Variants in GRK3 observed in about 807,000 individuals in gnomAD.
GRK3 encodes G protein-coupled receptor kinase 3.
A neutral mutation model predicts 95.7 loss-of-function variants in GRK3; 54 were observed. That is an observed-to-expected ratio of 0.56 (90% confidence interval 0.45 to 0.71). The LOEUF (loss-of-function observed/expected upper bound fraction) is 0.71. Ranked by LOEUF, GRK3 falls within the 30% of genes least tolerant of loss-of-function variation. GRK3 has a pLI of 0.00. For missense variants in GRK3, 649 were observed against 851.2 expected (o/e 0.76, Z 2.96); for synonymous variants, 281 against 290.8 (o/e 0.97, Z 0.34).
At chr22:25,658,584 TC>T (rs2084888996) in intron 3 of GRK3, among the ~76,000 whole-genome samples, 1 of 152,212 alleles carries the variant, frequency 6.6e-6, no homozygotes, top group Admixed American at 6.5e-5. Context: ...TTCTCTGTGT[TC>T]CTTTGGTCAC....
intron 10 of GRK3, 81 bp from the exon 11 acceptor site, chr22:25,687,456 G>T: frequency 6.7e-7 from 1 of 1,493,862 alleles, no homozygotes; most frequent in Admixed American, 1.8e-5. Context: ...TTTCTGCTGA[G>T]TCCTGACTAT....
At chr22:25,610,045 G>A (rs960351368) in intron 2 of GRK3, among the ~76,000 whole-genome samples, 1 of 151,448 alleles carries the variant, frequency 6.6e-6, no homozygotes, top group Non-Finnish European at 1.5e-5. Flanking sequence ...GAGACACAGG[G>A]TTTCACCATG....
chr22:25,702,723 G>A lies in GRK3; in HGVS notation c.1161-787G>A, dbSNP rs1052446263. ...AGTTATCTTTATTAATTTCACCAGT[G>A]GTTACTGTATTAGGTACCTACCGTG... is the stretch of plus-strand genomic sequence containing the variant. On this transcript the variant is annotated intron_variant, in intron 13 of 20. Coordinates refer to ENST00000324198, the MANE Select transcript of GRK3 (RefSeq NM_005160.4). 7 of 411,024 alleles carry A rather than the reference G, an allele frequency of 1.7e-5. No individual in the cohort carries two copies. The Admixed American group carries it at 2.0e-4, about 12-fold the overall frequency. The allele number at this position is 411,024 out of a possible 1,614,324, so 25.5% of individuals were successfully genotyped here. A position where few individuals can be genotyped will look rare whatever the true frequency, so the allele number is the denominator to read the frequency against.
At chr22:25,669,228 C>T (rs935197165) in intron 6 of GRK3, among the ~76,000 whole-genome samples, 2 of 151,998 alleles carry the variant, frequency 1.3e-5, no homozygotes, top group Admixed American at 6.6e-5. Context: ...CCATGACCAC[C>T]CTGAGTCTGA....
chr22:25,607,802 A>G (rs1417096496), intron 2 of GRK3, among the ~76,000 whole-genome samples: 3 of 151,670 alleles, frequency 2.0e-5, no homozygotes, highest in African/African-American at 7.3e-5. Flanking sequence ...GCTGGTCTCA[A>G]ACTCCTGGTC....
chr22:25,625,426 C>T (rs963718320), intron 2 of GRK3, among the ~76,000 whole-genome samples: 6 of 152,160 alleles, frequency 3.9e-5, no homozygotes, highest in African/African-American at 1.2e-4. Context: ...GACAGGGCCA[C>T]CAGAAGGGCT....
intron 2 of GRK3, among the ~76,000 whole-genome samples, chr22:25,618,053 G>A (rs1337112237): frequency 1.3e-5 from 2 of 152,204 alleles, no homozygotes; most frequent in African/African-American, 4.8e-5. Flanking sequence ...GATTACAGGC[G>A]TGAGCCAACA....
At chr22:25,672,522 A>G (rs1348863740) in intron 7 of GRK3, among the ~76,000 whole-genome samples, 175 bp downstream of exon 7, 1 of 152,214 alleles carries the variant, frequency 6.6e-6, no homozygotes, top group Non-Finnish European at 1.5e-5. Context: ...CTTATAAACA[A>G]TAGAAGCTTT....
intron 3 of GRK3, among the ~76,000 whole-genome samples, chr22:25,652,958 C>T (rs1304081443): frequency 1.3e-5 from 2 of 151,992 alleles, no homozygotes; most frequent in African/African-American, 2.4e-5. Flanking sequence ...AGTAGGTATA[C>T]GATGTAGGCT....
In GRK3 at chr22:25,726,828, GCCTCTGCCTAC is replaced by G. The variant is rs2085477873; in HGVS notation, c.*4385_*4395del. 6.6e-6 allele frequency: 1 copy of G among 151,930 alleles called. No homozygotes were observed. The highest frequency in any genetic ancestry group is 2.1e-4 in the South Asian group (1 of 4,820). 9.4% of individuals were successfully genotyped at this position (151,930 alleles called of 1,614,324 possible). ...CAGGACTTTCTGAAGAAGTTCTTTTGCCTCTGCCTACCCTCTGGCACCCTCCCATGGAGGCA... is the reference window on the plus strand; with the variant it reads ...CAGGACTTTCTGAAGAAGTTCTTTTGCCTCTGGCACCCTCCCATGGAGGCA... On this transcript the variant is annotated 3_prime_UTR_variant, in exon 21 of 21. Coordinates refer to ENST00000324198, the MANE Select transcript of GRK3 (RefSeq NM_005160.4).
chr22:25,632,898 A>G (rs1364093991), intron 2 of GRK3, among the ~76,000 whole-genome samples: 1 of 151,944 alleles, frequency 6.6e-6, no homozygotes, highest in Non-Finnish European at 1.5e-5. Context: ...CTGTATCTTT[A>G]TAATATATCC....
Position 25,720,711 on chromosome 22 carries a change from G to A in GRK3, c.1792-573G>A, listed in dbSNP as rs575814729. Among the ~76,000 whole-genome samples the A allele has an allele frequency of 6.6e-5, 10 of 152,046 alleles. No individual in the cohort carries two copies. In the South Asian group the frequency reaches 1.7e-3, roughly 25 times the overall value. ...AGGTTGGTCTCGAGCTCTTGACCTC[G>A]TGATGCACCCGCCTCGGCCTCCCAA... On this transcript the variant is annotated intron_variant, in intron 19 of 20. Transcript: ENST00000324198.
chr22:25,588,830 A>G (rs533050349), intron 1 of GRK3, among the ~76,000 whole-genome samples: 6 of 149,628 alleles, frequency 4.0e-5, no homozygotes, highest in African/African-American at 7.4e-5. Context: ...GTACAGTGGT[A>G]AGATCATAGC....
chr22:25,687,740 T>TTA, intron 11 of GRK3, 73 bp downstream of exon 11: 2 of 1,526,664 alleles, frequency 1.3e-6, no homozygotes, highest in Non-Finnish European at 1.8e-6. Flanking sequence ...CCCCTTCTAT[T>TTA]TCATAGAGTC....
intron 2 of GRK3, among the ~76,000 whole-genome samples, chr22:25,614,955 C>T (rs1186365402): frequency 6.6e-6 from 1 of 152,172 alleles, no homozygotes; most frequent in African/African-American, 2.4e-5. Flanking sequence ...AAAAGATGGA[C>T]AGCAAAATGT....
rs542337844 is a variant in GRK3, at chr22:25,707,378, G to A, written c.1329-2520G>A. Among the ~76,000 whole-genome samples, 6 of 152,346 alleles carry A rather than the reference G, an allele frequency of 3.9e-5. 1 individual carries two copies. The highest frequency in any genetic ancestry group is 1.4e-4 in the African/African-American group (6 of 41,580). ...TTCCAGTAAAAATGCACAAGGATAT[G>A]CTCTGACTTGGATCCCATTCTTTCA... On this transcript the variant is annotated intron_variant, in intron 15 of 20. Transcript: ENST00000324198.
rs1006143719 is a variant in GRK3 at position 25,642,416 on chromosome 22, G to A, written c.191-2176G>A. On this transcript the variant is annotated intron_variant, in intron 2 of 20. Transcript: ENST00000324198. ...CCATTGCACTCCAGCCTGGGCGACA[G>A]AGCAAGACTCCATCTCAAAAATAAA... 1.8e-4 allele frequency among the ~76,000 whole-genome samples: 27 copies of A among 152,274 alleles called. 1 individual carries two copies. Among genetic ancestry groups the A allele is most frequent in the Admixed American group, 1.6e-3 (25 of 15,296 alleles).
chr22:25,720,818 C>A (rs2085426453), intron 19 of GRK3, among the ~76,000 whole-genome samples: 1 of 152,114 alleles, frequency 6.6e-6, no homozygotes, highest in African/African-American at 2.4e-5. Context: ...CTATTTATGA[C>A]ATCATTGGGA....
chr22:25,655,498 T>A (rs974991694), intron 3 of GRK3, among the ~76,000 whole-genome samples: 4 of 152,220 alleles, frequency 2.6e-5, no homozygotes, highest in African/African-American at 9.6e-5. Context: ...GCTATTTCCG[T>A]CTTCTGTGAT....
Sources: gnomAD v4.1 joint callset for allele counts (sites outside exome capture counted in the v4.1 genomes callset) on GRCh38, gnomAD v4.1.1 for gene constraint, MANE v1.5 for transcripts, NCBI Gene and HGNC (gene_info 2026-07-23, HGNC 2026-07-21) for gene names.